The following PTPN4 variants were observed in gnomAD, a reference collection of about 807,000 sequenced individuals.
PTPN4 encodes protein tyrosine phosphatase non-receptor type 4.
PTPN4 carries 49 observed loss-of-function variants against 135.5 expected under a neutral mutation model. That is an observed-to-expected ratio of 0.36 (90% CI 0.29 to 0.46). The LOEUF (loss-of-function observed/expected upper bound fraction) is 0.46. Among genes scored for constraint, PTPN4 ranks in the 20% least tolerant of loss-of-function variants. PTPN4 has a pLI of 1.00. For synonymous variants in PTPN4, 333 were observed against 369.9 expected (o/e 0.90, Z 1.14); for missense variants, 860 against 1,101.0 (o/e 0.78, Z 3.10).
At chr2:119,934,756 A>G (rs1678956519) in intron 14 of PTPN4, 44 bp from the exon 15 acceptor site, 1 of 1,583,040 alleles carries the variant, frequency 6.3e-7, no homozygotes, top group African/African-American at 1.4e-5. Context: ...GGAAATTTTG[A>G]ATTGAAGCAT....
chr2:119,772,493 A>C (rs1278398955), intron 1 of PTPN4, among the ~76,000 whole-genome samples: 1 of 152,234 alleles, frequency 6.6e-6, no homozygotes, highest in Non-Finnish European at 1.5e-5. Context: ...AGTCTCATTT[A>C]TTCCACTTAC....
chr2:119,776,618 GC>G (rs1226734251), intron 1 of PTPN4, among the ~76,000 whole-genome samples: 3 of 152,212 alleles, frequency 2.0e-5, no homozygotes, highest in African/African-American at 7.2e-5. Context: ...CCCAGAAACA[GC>G]AACACCAATC....
chr2:119,891,989 C>T (rs571901118), intron 9 of PTPN4, among the ~76,000 whole-genome samples: 2 of 152,164 alleles, frequency 1.3e-5, no homozygotes, highest in Admixed American at 6.5e-5. Context: ...ACATAGACTT[C>T]GATTCTGGCT....
intron 3 of PTPN4, among the ~76,000 whole-genome samples, chr2:119,864,034 G>C (rs926521324): frequency 2.6e-5 from 4 of 152,118 alleles, no homozygotes; most frequent in Non-Finnish European, 5.9e-5. Context: ...ACACTTGCAA[G>C]TTGCCTTGGA....
intron 19 of PTPN4, among the ~76,000 whole-genome samples, chr2:119,954,500 T>C (rs750346179): frequency 9.2e-5 from 14 of 152,200 alleles, no homozygotes; most frequent in Non-Finnish European, 1.9e-4. Context: ...AGAAGGTGGC[T>C]AAGAGGCTAC....
chr2:119,955,101 G>T (rs927955851), intron 19 of PTPN4, 56 bp from the exon 20 acceptor site: 2 of 1,434,074 alleles, frequency 1.4e-6, no homozygotes, highest in South Asian at 1.3e-5. Context: ...AATTCCTATC[G>T]TGTGAATTCA....
intron 2 of PTPN4, among the ~76,000 whole-genome samples, chr2:119,860,795 C>T (rs1049504119): frequency 6.6e-6 from 1 of 152,104 alleles, no homozygotes; most frequent in Non-Finnish European, 1.5e-5. Context: ...AATCCCAGCA[C>T]TTTGGGAGGC....
rs1302339995 is a variant in PTPN4, at chr2:119,854,896, A to C, written c.139-7640A>C. Reference sequence around the variant, plus strand: ...TACTTGACTAGAGGTGTTAATCCAGAAACAGCGTGTTTCATTTAAAAGTGC... The same window carrying C: ...TACTTGACTAGAGGTGTTAATCCAGCAACAGCGTGTTTCATTTAAAAGTGC... On this transcript the variant is annotated intron_variant, in intron 2 of 26. Transcript: ENST00000263708. Among the ~76,000 whole-genome samples the C allele has an allele frequency of 2.6e-5, 4 of 152,290 alleles. No homozygotes were observed. In the East Asian group the frequency reaches 7.7e-4, roughly 29 times the overall value.
chr2:119,870,952 A>T (rs1009993773), intron 3 of PTPN4, among the ~76,000 whole-genome samples: 1 of 152,058 alleles, frequency 6.6e-6, no homozygotes, highest in Non-Finnish European at 1.5e-5. Flanking sequence ...ACTGAGGACA[A>T]AATACCAACT....
At chr2:119,941,355 A>C (rs1679059081) in intron 15 of PTPN4, among the ~76,000 whole-genome samples, 1 of 151,840 alleles carries the variant, frequency 6.6e-6, no homozygotes, top group Non-Finnish European at 1.5e-5. Context: ...ACCTTTGCCC[A>C]ATATTTGAAT....
In PTPN4 at chr2:119,897,173, T is replaced by C. The variant is rs202198813; in HGVS notation, c.676-3545T>C. ...ATCTCAACCTCCTGACTTCAAGTGA[T>C]CCACCTGCCTCAGCTTCCCAAAGTG... On this transcript the variant is annotated intron_variant, in intron 9 of 26. Coordinates refer to ENST00000263708, the MANE Select transcript of PTPN4 (RefSeq NM_002830.4). Among the ~76,000 whole-genome samples, 14 of 152,234 alleles carry C rather than the reference T, an allele frequency of 9.2e-5. No homozygotes were observed. In the East Asian group the frequency reaches 2.3e-3, roughly 25 times the overall value.
At chr2:119,844,171 T>A (rs1677433751) in intron 2 of PTPN4, among the ~76,000 whole-genome samples, 1 of 101,654 alleles carries the variant, frequency 9.8e-6, no homozygotes, top group Non-Finnish European at 2.0e-5. Flanking sequence ...CCCACCTCCC[T>A]CCCGGACGGG....
chr2:119,863,313 G>A (rs961994955), intron 3 of PTPN4, among the ~76,000 whole-genome samples: 3 of 152,006 alleles, frequency 2.0e-5, no homozygotes, highest in African/African-American at 7.2e-5. Flanking sequence ...GAGATAAAGG[G>A]TATACAAGCA....
intron 5 of PTPN4, among the ~76,000 whole-genome samples, chr2:119,881,556 G>A (rs1232879058): frequency 6.6e-6 from 1 of 152,144 alleles, no homozygotes; most frequent in Non-Finnish European, 1.5e-5. Context: ...ATGGAAGCTA[G>A]TGGAAACAAG....
intron 2 of PTPN4, among the ~76,000 whole-genome samples, chr2:119,848,704 G>A (rs924389697): frequency 6.6e-6 from 1 of 152,012 alleles, no homozygotes; most frequent in Non-Finnish European, 1.5e-5. Context: ...GGGTTCAAGC[G>A]ATTCTCCTGT....
intron 1 of PTPN4, among the ~76,000 whole-genome samples, chr2:119,808,578 C>T (rs559429234): frequency 6.6e-6 from 1 of 152,134 alleles, no homozygotes; most frequent in East Asian, 1.9e-4. Context: ...AAAAGAGGCC[C>T]AGCTAATTTT....
At position 119,787,769 on chromosome 2, in the gene PTPN4, TAA is replaced by T. The variant is rs1691072263; in HGVS notation, c.-17-22066_-17-22065del. Among the ~76,000 whole-genome samples the T allele has an allele frequency of 2.0e-5, 3 of 152,206 alleles. No homozygotes were observed. In the South Asian group the frequency reaches 6.2e-4, roughly 31 times the overall value. On this transcript the variant is annotated intron_variant, in intron 1 of 26. Coordinates refer to ENST00000263708, the MANE Select transcript of PTPN4 (RefSeq NM_002830.4). ...AGTTCTATTTCTTCATCTATAGAAA[TAA>T]AGTTAATCTCTCTTTACACACTATA...
chr2:119,800,927 C>T (rs1412525401), intron 1 of PTPN4, among the ~76,000 whole-genome samples: 1 of 151,252 alleles, frequency 6.6e-6, no homozygotes, highest in Non-Finnish European at 1.5e-5. Context: ...CTACTTCTGT[C>T]GTTACCAACA....
At chr2:119,920,353 T>G in intron 12 of PTPN4, 112 bp downstream of exon 12, 1 of 1,214,906 alleles carries the variant, frequency 8.2e-7, no homozygotes, top group Non-Finnish European at 1.1e-6. Context: ...CTTAACTGAG[T>G]CAAAAATCCC....
Sources: allele counts gnomAD v4.1 joint callset (sites outside exome capture counted in the v4.1 genomes callset), GRCh38; gene constraint gnomAD v4.1.1; transcripts MANE v1.5; gene names NCBI Gene and HGNC (gene_info 2026-07-23, HGNC 2026-07-21).